The following FLT1 variants were observed in gnomAD, a reference collection of about 807,000 sequenced individuals.
FLT1 encodes vascular endothelial growth factor receptor 1.
Under a neutral mutation model 156.3 loss-of-function variants are expected in FLT1, and 49 were observed. That is an observed-to-expected ratio of 0.31 (90% CI 0.25 to 0.40). The LOEUF is 0.40. Among genes scored for constraint, FLT1 ranks in the 10% least tolerant of loss-of-function variants. FLT1 has a pLI of 1.00. For missense variants in FLT1, 1,322 were observed against 1,637.2 expected (o/e 0.81, Z 3.32); for synonymous variants, 594 against 583.8 (o/e 1.02, Z -0.25).
In FLT1 at chr13:28,322,636, A is replaced by C. The variant is rs1239651676; in HGVS notation, c.2953+154T>G. ...CCTGTCAAAATTAGTAACTCTGTAA[A>C]TTATCTTAATTCAAATCTTATCTCC... On this transcript the variant is annotated intron_variant, in intron 21 of 29. Transcript: ENST00000282397. The surrounding 1 kb of genome is among the most constrained non-coding windows in gnomAD (Gnocchi z 4.3). The C allele has an allele frequency of 1.2e-6, 1 of 803,562 alleles. No homozygotes were observed. Among genetic ancestry groups the C allele is most frequent in the Non-Finnish European group, 2.1e-6 (1 of 472,082 alleles). 49.8% of individuals were successfully genotyped at this position (803,562 alleles called of 1,614,324 possible).
chr13:28,452,963 TG>T (rs1482678592), intron 3 of FLT1, among the ~76,000 whole-genome samples: 1 of 144,640 alleles, frequency 6.9e-6, no homozygotes, highest in Non-Finnish European at 1.5e-5. Flanking sequence ...CACCTAAGTC[TG>T]GCACTACCTT....
At chr13:28,394,267 T>C (rs1874910202) in intron 12 of FLT1, among the ~76,000 whole-genome samples, 1 of 152,212 alleles carries the variant, frequency 6.6e-6, no homozygotes, top group African/African-American at 2.4e-5. Flanking sequence ...TTGACTGGAC[T>C]TGTGTCAGTT....
Position 28,467,462 on chromosome 13 carries a change from G to A in FLT1, c.161+59C>T. 2.7e-6 allele frequency: 3 copies of A among 1,124,720 alleles called. No individual in the cohort carries two copies. In the Admixed American group the frequency reaches 5.7e-5, roughly 21 times the overall value. The allele number at this position is 1,124,720 out of a possible 1,614,324, so 69.7% of individuals were successfully genotyped here. A position where few individuals can be genotyped will look rare whatever the true frequency, so the allele number is the denominator to read the frequency against. On this transcript the variant is annotated intron_variant, in intron 2 of 29. Transcript: ENST00000282397. Reference sequence around the variant, plus strand: ...GTCCCTACCTTTTTACTCTGCCAGGGAATGATTTTGCCTTAGGCATGGCAA... The same window carrying A: ...GTCCCTACCTTTTTACTCTGCCAGGAAATGATTTTGCCTTAGGCATGGCAA...
At chr13:28,488,334 A>C (rs1457662709) in intron 1 of FLT1, among the ~76,000 whole-genome samples, 1 of 152,182 alleles carries the variant, frequency 6.6e-6, no homozygotes, top group Non-Finnish European at 1.5e-5. Flanking sequence ...TGGGAGGTGG[A>C]GGTGGCAGTG....
At position 28,333,946 on chromosome 13, in the gene FLT1, C is replaced by T. The variant is rs180894724; in HGVS notation, c.2593+79G>A. On this transcript the variant is annotated intron_variant, in intron 18 of 29. Coordinates refer to ENST00000282397, the MANE Select transcript of FLT1 (RefSeq NM_002019.4). ...AGAAAAGCTTGTGTCTGTTCCCAGG[C>T]TATATCTAACTTGTACCAACATTTA... 222 of 906,842 alleles carry T rather than the reference C, an allele frequency of 2.4e-4. 2 individuals carry two copies. In the East Asian group the frequency reaches 4.3e-3, roughly 18 times the overall value. The allele number at this position is 906,842 out of a possible 1,614,324, so 56.2% of individuals were successfully genotyped here. A position where few individuals can be genotyped will look rare whatever the true frequency, so the allele number is the denominator to read the frequency against.
chr13:28,406,984 G>A (rs781032403), intron 10 of FLT1, among the ~76,000 whole-genome samples: 1 of 152,156 alleles, frequency 6.6e-6, no homozygotes, highest in African/African-American at 2.4e-5. Context: ...GAACTCCAGA[G>A]TGTTAAACTA....
At chr13:28,382,819 T>C (rs1011171831) in intron 14 of FLT1, among the ~76,000 whole-genome samples, 1 of 152,212 alleles carries the variant, frequency 6.6e-6, no homozygotes, top group Admixed American at 6.5e-5. Flanking sequence ...GGTGCTACTT[T>C]ATGGAGAAAA....
At chr13:28,406,730 C>T (rs543470761) in intron 10 of FLT1, among the ~76,000 whole-genome samples, 6 of 152,076 alleles carry the variant, frequency 3.9e-5, no homozygotes, top group Non-Finnish European at 8.8e-5. Flanking sequence ...ACTGCAGCCT[C>T]GAACCTCTGG....
intron 17 of FLT1, among the ~76,000 whole-genome samples, chr13:28,337,522 G>C (rs541934536): frequency 2.4e-4 from 37 of 152,270 alleles, no homozygotes; most frequent in African/African-American, 8.2e-4. Context: ...AGTGTACCTC[G>C]GGGCCTTGCA....
At chr13:28,449,746 C>T (rs1277175627) in intron 3 of FLT1, among the ~76,000 whole-genome samples, 1 of 152,224 alleles carries the variant, frequency 6.6e-6, no homozygotes. Context: ...TAAGAAGTGC[C>T]TCTTTCTAAA....
chr13:28,324,886 TG>T (rs1432438602), intron 20 of FLT1, among the ~76,000 whole-genome samples: 17 of 152,222 alleles, frequency 1.1e-4, no homozygotes, highest in Admixed American at 6.5e-4. Context: ...TATTCAGCTT[TG>T]CTTATCAGTA....
At chr13:28,408,161 A>G (rs1378372379) in intron 10 of FLT1, among the ~76,000 whole-genome samples, 1 of 152,188 alleles carries the variant, frequency 6.6e-6, no homozygotes, top group Non-Finnish European at 1.5e-5. Flanking sequence ...TTAGTCAAAG[A>G]TCTTAATTTC....
At chr13:28,337,346 A>G (rs928886523) in intron 17 of FLT1, among the ~76,000 whole-genome samples, 3 of 152,196 alleles carry the variant, frequency 2.0e-5, no homozygotes, top group Non-Finnish European at 4.4e-5. Flanking sequence ...CTCTACATTT[A>G]CAACCCCAGT....
Position 28,357,595 on chromosome 13 carries a change from T to A in FLT1, c.2207A>T (p.Gln736Leu). The A allele has an allele frequency of 6.2e-7, 1 of 1,614,106 alleles. No homozygotes were observed. Among genetic ancestry groups the A allele is most frequent in the Non-Finnish European group, 8.5e-7 (1 of 1,179,944 alleles). ...TGCTGAACTTTCCACAGAGCCCTTCTGGTTGGTGGCTTTGCAGTGATAGAC... is the reference window on the plus strand; with the variant it reads ...TGCTGAACTTTCCACAGAGCCCTTCAGGTTGGTGGCTTTGCAGTGATAGAC... Reference protein sequence around the residue: ...EGVYHCKATNQKGSVESSAYL... With the variant: ...EGVYHCKATNLKGSVESSAYL... The change falls in exon 15 of 30, where the codon CAG becomes CTG. Residue 736 changes from glutamine to leucine, a missense_variant. Around this residue, in one of 3 missense-constraint regions of FLT1, gnomAD observed 991 missense variants for 1,254.8 expected, o/e 0.79. Transcript: ENST00000282397.
At chr13:28,492,756 T>C (rs1398329645) in intron 1 of FLT1, among the ~76,000 whole-genome samples, 1 of 152,196 alleles carries the variant, frequency 6.6e-6, no homozygotes, top group Non-Finnish European at 1.5e-5. Flanking sequence ...CTGATGCGGT[T>C]TGTAAAGTAG....
At chr13:28,402,581 T>G (rs965026225) in intron 11 of FLT1, among the ~76,000 whole-genome samples, 11 of 152,002 alleles carry the variant, frequency 7.2e-5, no homozygotes, top group African/African-American at 2.7e-4. Flanking sequence ...TATCTATATA[T>G]ATAGAGAGAG....
At chr13:28,475,872 T>G (rs1276091038) in intron 1 of FLT1, among the ~76,000 whole-genome samples, 1 of 152,148 alleles carries the variant, frequency 6.6e-6, no homozygotes, top group African/African-American at 2.4e-5. Flanking sequence ...ATGAAGAGCA[T>G]TATAATGTCC....
intron 13 of FLT1, chr13:28,386,116 T>A (rs148264181): frequency 9.5e-7 from 1 of 1,052,990 alleles, no homozygotes; most frequent in Non-Finnish European, 1.1e-6. Context: ...CATTTTCGAT[T>A]TCCTCATCTT....
rs1237987549 is a variant in FLT1, at chr13:28,399,467, T to C, written c.1552-2399A>G. ...TTTTATTTAAAAGATTTTGATTTCA[T>C]TGAACTTAGAGCAACCGAGAACAAG... On this transcript the variant is annotated intron_variant, in intron 11 of 29. Coordinates refer to ENST00000282397, the MANE Select transcript of FLT1 (RefSeq NM_002019.4). Among the ~76,000 whole-genome samples, 4 of 152,192 alleles carry C rather than the reference T, an allele frequency of 2.6e-5. No individual in the cohort carries two copies. The East Asian group carries it at 7.7e-4, about 29-fold the overall frequency.
Sources: gnomAD v4.1 joint callset for allele counts (sites outside exome capture counted in the v4.1 genomes callset) on GRCh38, gnomAD v4.1.1 for gene constraint, gnomAD v4.1.1 regional missense constraint, Gnocchi (gnomAD v3.1) non-coding constraint, MANE v1.5 for transcripts, NCBI Gene and HGNC (gene_info 2026-07-23, HGNC 2026-07-21) for gene names.